The following ZMYM6 variants were observed in gnomAD, a reference collection of about 807,000 sequenced individuals.
ZMYM6 encodes zinc finger MYM-type containing 6, also known as zinc finger MYM-type protein 6.
A neutral mutation model predicts 134.0 loss-of-function variants in ZMYM6; 90 were observed. That is an observed-to-expected ratio of 0.67 (90% CI 0.57 to 0.80). ZMYM6 has a LOEUF of 0.80. Ranked by LOEUF, ZMYM6 falls within the 30% of genes least tolerant of loss-of-function variation. The pLI, the probability that ZMYM6 is intolerant of heterozygous loss-of-function variation, is 0.00. For synonymous variants in ZMYM6, 481 were observed against 524.1 expected (o/e 0.92, Z 1.12); for missense variants, 1,362 against 1,533.9 (o/e 0.89, Z 1.87).
At chr1:35,002,554 T>C (rs570420164) in intron 14 of ZMYM6, among the ~76,000 whole-genome samples, 1 of 152,324 alleles carries the variant, frequency 6.6e-6, no homozygotes, top group South Asian at 2.1e-4. Flanking sequence ...GTTACCAGAA[T>C]TTTTTTCCAT....
chr1:34,987,357 A>C lies in ZMYM6; in HGVS notation c.3725T>G (p.Leu1242Ter). ...EEKLTELSSD[L>*]GLQALFKSVS... is the part of the protein sequence containing the mutation. ...TGATTTAAATAGTGCTTGTAATCCT[A>C]AATCTGAAGATAGCTCTGTTAGCTT... The change falls in exon 16 of 16, where the codon TTA (leucine) becomes TGA (stop). Residue 1242 changes from leucine to a stop codon, truncating the protein, a stop_gained. Transcript: ENST00000357182. LOFTEE classifies it high-confidence loss of function. The C allele has an allele frequency of 6.2e-7, 1 of 1,613,926 alleles. No homozygotes were observed. The highest frequency in any genetic ancestry group is 8.5e-7 in the Non-Finnish European group (1 of 1,179,956).
chr1:34,994,476 A>C (rs913247106), intron 14 of ZMYM6, among the ~76,000 whole-genome samples: 1 of 152,130 alleles, frequency 6.6e-6, no homozygotes, highest in East Asian at 1.9e-4. Flanking sequence ...ATGCTTTAGG[A>C]ACATCAACAA....
chr1:35,001,382 G>A (rs990561146), intron 14 of ZMYM6, among the ~76,000 whole-genome samples: 2 of 149,922 alleles, frequency 1.3e-5, no homozygotes, highest in Non-Finnish European at 3.0e-5. Flanking sequence ...TTAAATGACT[G>A]GTGAATTATA....
intron 14 of ZMYM6, among the ~76,000 whole-genome samples, chr1:34,993,733 G>GGTGA (rs1269061888): frequency 6.6e-6 from 1 of 151,888 alleles, no homozygotes; most frequent in Non-Finnish European, 1.5e-5. Context: ...ACCCAGGCTG[G>GGTGA]AATGCAGTGG....
Position 35,014,725 on chromosome 1 carries a change from C to A in ZMYM6, c.767G>T (p.Ser256Ile). ...CTTGTATGCCGTGACACTTGTTGAACTAAAAACCTTCTGGGATTGGCAAGG... is the reference window on the plus strand; with the variant it reads ...CTTGTATGCCGTGACACTTGTTGAAATAAAAACCTTCTGGGATTGGCAAGG... Reference protein sequence around the residue: ...SGPCQSQKVFSSTSVTAYKQN... With the variant: ...SGPCQSQKVFISTSVTAYKQN... Residue 256 changes from serine to isoleucine, a missense_variant, in exon 6 of 16, where the codon AGT (serine) becomes ATT (isoleucine). Around this residue, in one of 3 missense-constraint regions of ZMYM6, gnomAD observed 503 missense variants for 520.8 expected, o/e 0.97. Transcript: ENST00000357182. 1 of 1,613,982 alleles carries A rather than the reference C, an allele frequency of 6.2e-7. No homozygotes were observed. Among genetic ancestry groups the A allele is most frequent in the Non-Finnish European group, 8.5e-7 (1 of 1,179,960 alleles).
chr1:35,023,279 G>C (rs1641345206), intron 2 of ZMYM6, among the ~76,000 whole-genome samples: 1 of 151,930 alleles, frequency 6.6e-6, no homozygotes. Flanking sequence ...GGCTAATTTT[G>C]TATTTTTAGT....
Position 34,988,150 on chromosome 1 carries a change from G to A in ZMYM6, c.2932C>T (p.Leu978Phe), listed in dbSNP as rs1002655056. Residue 978 changes from leucine (L) to phenylalanine (F), a missense_variant, in exon 16 of 16, where the codon CTC (leucine) becomes TTC (phenylalanine). Leu to Phe is a conservative substitution (Grantham distance 22, BLOSUM62 0). This residue lies in a region of ZMYM6 where 824 missense variants were observed against 940.9 expected (regional missense o/e 0.88). Coordinates refer to ENST00000357182, the MANE Select transcript of ZMYM6 (RefSeq NM_007167.4). ...ATGCTTGCAGCCCCATCGGTACAGA[G>A]ACCAACACAATGTTTCCAATTCAGA... is the stretch of plus-strand genomic sequence containing the variant. ...KSLNWKHCVG[L>F]CTDGAASMTG... 2 of 1,550,928 alleles carry A rather than the reference G, an allele frequency of 1.3e-6. No individual in the cohort carries two copies. The highest frequency in any genetic ancestry group is 2.7e-5 in the African/African-American group (2 of 73,010).
intron 2 of ZMYM6, among the ~76,000 whole-genome samples, chr1:35,025,530 C>T (rs1006191820): frequency 1.5e-5 from 2 of 137,708 alleles, no homozygotes; most frequent in Non-Finnish European, 3.2e-5. Context: ...AGAAAGCATA[C>T]AAGTTTGAAG....
Position 34,987,865 on chromosome 1 carries a change from T to C in ZMYM6, c.3217A>G (p.Ile1073Val). 3 of 1,551,474 alleles carry C rather than the reference T, an allele frequency of 1.9e-6. No homozygotes were observed. Among genetic ancestry groups the C allele is most frequent in the Non-Finnish European group, 2.6e-6 (3 of 1,146,914 alleles). Residue 1073 changes from isoleucine (I) to valine (V), a missense_variant, in exon 16 of 16, where the codon ATA becomes GTA. Coordinates refer to ENST00000357182, the MANE Select transcript of ZMYM6 (RefSeq NM_007167.4). ...CTTTTTAACATTCTCCCTCTTGATATCCAACGTACTTCAGCATGAAGCGGT... is the reference window on the plus strand; with the variant it reads ...CTTTTTAACATTCTCCCTCTTGATACCCAACGTACTTCAGCATGAAGCGGT... ...SLPLHAEVRWISRGRMLKRLF... is the reference protein window; with the variant it reads ...SLPLHAEVRWVSRGRMLKRLF...
At chr1:35,000,947 G>A (rs1569756296) in intron 14 of ZMYM6, among the ~76,000 whole-genome samples, 1 of 152,072 alleles carries the variant, frequency 6.6e-6, no homozygotes, top group South Asian at 2.1e-4. Flanking sequence ...TGTGCACCAC[G>A]TCCAGCCCAC....
chr1:35,008,726 C>CA (rs780740935), intron 11 of ZMYM6, 26 bp downstream of exon 11: 5 of 1,587,066 alleles, frequency 3.2e-6, no homozygotes, highest in East Asian at 4.5e-5. Context: ...TTCAGAAAGC[C>CA]AAAAAAAGTA....
chr1:35,005,871 G>A (rs1640957469), intron 12 of ZMYM6, among the ~76,000 whole-genome samples: 1 of 152,138 alleles, frequency 6.6e-6, no homozygotes, highest in African/African-American at 2.4e-5. Context: ...GGGCTAACAC[G>A]AAAGATTAGC....
chr1:35,031,721 T>G (rs957948521), intron 1 of ZMYM6, 94 bp downstream of exon 1: 5 of 152,410 alleles, frequency 3.3e-5, no homozygotes, highest in Non-Finnish European at 5.9e-5. Context: ...CCCAGCCGCG[T>G]AGCCCACCTG....
chr1:35,006,971 T>G lies in ZMYM6; in HGVS notation c.1793A>C (p.Asp598Ala). 2 of 1,608,886 alleles carry G rather than the reference T, an allele frequency of 1.2e-6. No homozygotes were observed. Among genetic ancestry groups the G allele is most frequent in the South Asian group, 2.2e-5 (2 of 89,188 alleles). Residue 598 changes from aspartate (D) to alanine (A), a missense_variant, in exon 12 of 16, where the codon GAC (aspartate) becomes GCC (alanine). By Grantham distance (126) the Asp-to-Ala change is moderately radical. Coordinates refer to ENST00000357182, the MANE Select transcript of ZMYM6 (RefSeq NM_007167.4). ...TTTACCTTTATTTTGTGGAAGACAG[T>G]CATTCATAATTTGCTGATGACAAAA... ...LEFCHQQIMN[D>A]CLPQNKVNIS...
intron 4 of ZMYM6, chr1:35,019,090 T>C: frequency 1.7e-6 from 1 of 579,462 alleles, no homozygotes; most frequent in Non-Finnish European, 3.0e-6. Context: ...TACAGGATAG[T>C]CCTGCAATTC....
intron 14 of ZMYM6, among the ~76,000 whole-genome samples, chr1:34,999,561 C>G (rs1640846041): frequency 6.6e-6 from 1 of 151,528 alleles, no homozygotes; most frequent in South Asian, 2.1e-4. Context: ...GAGAGACCAC[C>G]TAAAAATCAT....
rs1297886860 is a variant in ZMYM6, at chr1:35,020,386, T to C, written c.175A>G (p.Ile59Val). Residue 59 changes from isoleucine to valine, a missense_variant, in exon 3 of 16, where the codon ATT becomes GTT. By Grantham distance (29) the Ile-to-Val change is conservative. Transcript: ENST00000357182. ...GGVSSVNERP[I>V]AQQLNPGFQL... is the part of the protein sequence containing the mutation. ...CTTATACAGTTCCATTTCTTACCAA[T>C]AGGTCTCTCATTAACTGAAGACACA... 7 of 1,604,812 alleles carry C rather than the reference T, an allele frequency of 4.4e-6. No homozygotes were observed. Among genetic ancestry groups the C allele is most frequent in the African/African-American group, 4.0e-5 (3 of 74,216 alleles).
At chr1:35,013,148 G>A (rs557841032) in intron 6 of ZMYM6, 1 of 824,646 alleles carries the variant, frequency 1.2e-6, no homozygotes, top group East Asian at 1.2e-4. Context: ...ATAACTTACT[G>A]AATGCTTACC....
At chr1:34,990,961 T>G (rs1051052319) in intron 15 of ZMYM6, among the ~76,000 whole-genome samples, 1 of 152,132 alleles carries the variant, frequency 6.6e-6, no homozygotes, top group Non-Finnish European at 1.5e-5. Flanking sequence ...ACCTCCCAGG[T>G]TCAAGCGATT....
Sources: allele counts gnomAD v4.1 joint callset (sites outside exome capture counted in the v4.1 genomes callset), GRCh38; gene constraint gnomAD v4.1.1; regional missense constraint gnomAD v4.1.1; transcripts MANE v1.5; gene names NCBI Gene and HGNC (gene_info 2026-07-23, HGNC 2026-07-21).